The following RPL8 variants were observed in gnomAD, a reference collection of about 807,000 sequenced individuals.
RPL8 encodes the protein large ribosomal subunit protein uL2.
For synonymous variants in RPL8, 182 were observed against 143.2 expected (o/e 1.27, Z -1.94); for missense variants, 248 against 365.9 (o/e 0.68, Z 2.63).
In RPL8 at chr8:144,792,222, C is replaced by T; in HGVS notation, c.-93G>A. ...GCTTTCCGGGACCCCGCCCCCGAGG[C>T]CGCCGCGCCCACCACTCCCTACCCT... On this transcript the variant is annotated 5_prime_UTR_variant, in exon 1 of 5. Coordinates refer to ENST00000528957, the MANE Select transcript of RPL8 (RefSeq NM_001317782.2). 1 of 1,388,764 alleles carries T rather than the reference C, an allele frequency of 7.2e-7. No homozygotes were observed. The highest frequency in any genetic ancestry group is 9.3e-7 in the Non-Finnish European group (1 of 1,077,588). 86.0% of individuals were successfully genotyped at this position (1,388,764 alleles called of 1,614,324 possible). A position where few individuals can be genotyped will look rare whatever the true frequency, so the allele number is the denominator to read the frequency against.
Position 144,791,538 on chromosome 8 carries a change from C to T in RPL8, c.281-43G>A, listed in dbSNP as rs200347596. On this transcript the variant is annotated intron_variant, in intron 2 of 4. Transcript: ENST00000528957. ...ATCAGGCCGTCAGCACAGTAAGAAA[C>T]AATGCGAACCCCCTCGCTCTAGGCA... The T allele has an allele frequency of 4.9e-5, 78 of 1,593,028 alleles. 2 individuals are homozygous for T. In the East Asian group the frequency reaches 1.7e-3, roughly 35 times the overall value.
Position 144,789,825 on chromosome 8 carries a change from A to G in RPL8, c.753T>C (p.Thr251=), listed in dbSNP as rs774382452. 24 of 1,613,390 alleles carry G rather than the reference A, an allele frequency of 1.5e-5. No homozygotes were observed. The highest frequency in any genetic ancestry group is 1.7e-5 in the Admixed American group (1 of 59,984). Residue 251 remains threonine (T), a synonymous_variant, in exon 5 of 5, where the codon ACT becomes ACC. Transcript: ENST00000528957. ...RRTGRLRGTK[T]VQEKEN ...AGCACTAGTTCTCTTTCTCCTGCAC[A>G]GTCTTGGTTCCCCGGAGACGTCCAG...
chr8:144,792,372 A>G lies in RPL8; in HGVS notation c.-243T>C. Reference sequence around the variant, plus strand: ...GGCCGCAAGGATGACCTACCTGTTCACCAGCGCGGCCGAAAGAGGAAACAC... The same window carrying G: ...GGCCGCAAGGATGACCTACCTGTTCGCCAGCGCGGCCGAAAGAGGAAACAC... On this transcript the variant is annotated 5_prime_UTR_variant, in exon 1 of 5. Coordinates refer to ENST00000528957, the MANE Select transcript of RPL8 (RefSeq NM_001317782.2). 1 of 658,592 alleles carries G rather than the reference A, an allele frequency of 1.5e-6. No individual in the cohort carries two copies. Among genetic ancestry groups the G allele is most frequent in the Non-Finnish European group, 2.2e-6 (1 of 463,060 alleles). 40.8% of individuals were successfully genotyped at this position (658,592 alleles called of 1,614,324 possible).
At chr8:144,791,087 C>T in intron 3 of RPL8, 190 bp downstream of exon 3, 1 of 612,296 alleles carries the variant, frequency 1.6e-6, no homozygotes. Context: ...AGCAGTAAAG[C>T]AGGTACTGTT....
chr8:144,790,721 C>T lies in RPL8; in HGVS notation c.500-251G>A, dbSNP rs1395992965. 7.4e-6 allele frequency: 5 copies of T among 671,754 alleles called. No individual in the cohort carries two copies. In the African/African-American group the frequency reaches 8.8e-5, roughly 12 times the overall value. 41.6% of individuals were successfully genotyped at this position (671,754 alleles called of 1,614,324 possible). A position where few individuals can be genotyped will look rare whatever the true frequency, so the allele number is the denominator to read the frequency against. On this transcript the variant is annotated intron_variant, in intron 3 of 4. Transcript: ENST00000528957. ...TGGCTGAGCTCCAAGCGCAGGGAAGCACCCCCCTCACCATGTGTGAGACGT... is the reference window on the plus strand; with the variant it reads ...TGGCTGAGCTCCAAGCGCAGGGAAGTACCCCCCTCACCATGTGTGAGACGT...
intron 4 of RPL8, 128 bp from the exon 5 acceptor site, chr8:144,790,090 C>G (rs1826446038): frequency 8.5e-7 from 1 of 1,175,224 alleles, no homozygotes; most frequent in African/African-American, 1.5e-5. Context: ...CTAGACAACC[C>G]CAGTCAGGCT....
In RPL8 at chr8:144,791,467, A is replaced by G; in HGVS notation, c.309T>C (p.Pro103=). Residue 103 remains proline (P), a synonymous_variant, in exon 3 of 5, where the codon CCT becomes CCC. Transcript: ENST00000528957. ...KAQLNIGNVL[P]VGTMPEGTIV... ...TTGTACCCTCAGGCATGGTGCCCAC[A>G]GGGAGCACATTGCCAATGTTGAGCT... 6.2e-7 allele frequency: 1 copy of G among 1,613,844 alleles called. No individual in the cohort carries two copies. The highest frequency in any genetic ancestry group is 8.5e-7 in the Non-Finnish European group (1 of 1,180,002).
chr8:144,790,423 C>T lies in RPL8; in HGVS notation c.547G>A (p.Gly183Ser). Residue 183 changes from glycine (G) to serine (S), a missense_variant, in exon 4 of 5, where the codon GGC becomes AGC. Transcript: ENST00000528957. ...GCCTTATATTTGTGGTACGCCCGGC[C>T]AGCCTTCAAGATGGGTTTGTCAATT... ...GRIDKPILKA[G>S]RAYHKYKAKR... 6.2e-7 allele frequency: 1 copy of T among 1,614,166 alleles called. No homozygotes were observed. The highest frequency in any genetic ancestry group is 8.5e-7 in the Non-Finnish European group (1 of 1,180,034).
In RPL8 at chr8:144,792,312, G is replaced by T. The variant is rs1384042035; in HGVS notation, c.-183C>A. 1 of 928,988 alleles carries T rather than the reference G, an allele frequency of 1.1e-6. No homozygotes were observed. Among genetic ancestry groups the T allele is most frequent in the South Asian group, 2.7e-5 (1 of 37,308 alleles). The allele number at this position is 928,988 out of a possible 1,614,324, so 57.5% of individuals were successfully genotyped here. On this transcript the variant is annotated 5_prime_UTR_variant, in exon 1 of 5. Coordinates refer to ENST00000528957, the MANE Select transcript of RPL8 (RefSeq NM_001317782.2). ...GGTCCGGGTCTCAGCGCGCCTCACG[G>T]AAGAGGATGGCGGCGGATACTGCCC...
rs746742174 is a variant in RPL8, at chr8:144,789,789, T to C, written c.*15A>G. ...CCAGGTGGCATAAACACAAACTTTA[T>C]TGAGGCCCTCAGCACTAGTTCTCTT... On this transcript the variant is annotated 3_prime_UTR_variant, in exon 5 of 5. Coordinates refer to ENST00000528957, the MANE Select transcript of RPL8 (RefSeq NM_001317782.2). 3.1e-6 allele frequency: 5 copies of C among 1,613,460 alleles called. No homozygotes were observed. Among genetic ancestry groups the C allele is most frequent in the Admixed American group, 1.7e-5 (1 of 60,010 alleles).
intron 4 of RPL8, 60 bp from the exon 5 acceptor site, chr8:144,790,022 C>T (rs929779672): frequency 7.2e-6 from 11 of 1,517,354 alleles, no homozygotes; most frequent in South Asian, 3.9e-5. Context: ...CCCCCGGCCT[C>T]GGGGTCCCAC....
At chr8:144,790,542 C>A (rs762903167) in intron 3 of RPL8, 72 bp from the exon 4 acceptor site, 2 of 1,150,428 alleles carry the variant, frequency 1.7e-6, no homozygotes, top group Non-Finnish European at 2.6e-6. Context: ...AATCTCCTGT[C>A]ATGCACCTTC....
At position 144,791,680 on chromosome 8, in the gene RPL8, G is replaced by A; in HGVS notation, c.280+93C>T. ...ATGTCCCCACCTGAAGCTTCTGCCT[G>A]CGAGGTTCCCATATCGGCTTAGGAC... is the stretch of plus-strand genomic sequence containing the variant. On this transcript the variant is annotated intron_variant, in intron 2 of 4. Transcript: ENST00000528957. 4.4e-6 allele frequency: 7 copies of A among 1,579,618 alleles called. No individual in the cohort carries two copies. In the South Asian group the frequency reaches 6.9e-5, roughly 16 times the overall value.
intron 3 of RPL8, chr8:144,790,881 C>G: frequency 2.0e-6 from 1 of 509,104 alleles, no homozygotes; most frequent in Non-Finnish European, 3.8e-6. Context: ...AAGATGTTCC[C>G]AAACAGCACA....
chr8:144,790,003 C>T (rs146616369), intron 4 of RPL8, 41 bp from the exon 5 acceptor site: 1 of 1,560,680 alleles, frequency 6.4e-7, no homozygotes, highest in Non-Finnish European at 8.6e-7. Context: ...CTCTTCCCCA[C>T]CACCCCCGCC....
intron 2 of RPL8, 134 bp downstream of exon 2, chr8:144,791,639 T>G: frequency 6.7e-7 from 1 of 1,501,314 alleles, no homozygotes; most frequent in Non-Finnish European, 9.1e-7. Context: ...CGGTGGCCAC[T>G]GGTCTGGCCA....
At chr8:144,790,592 C>T (rs752519999) in intron 3 of RPL8, 122 bp from the exon 4 acceptor site, 5 of 769,902 alleles carry the variant, frequency 6.5e-6, no homozygotes, top group Non-Finnish European at 9.1e-6. Context: ...AGCCCACTCG[C>T]CTCCACCCTA....
chr8:144,792,193 C>A lies in RPL8; in HGVS notation c.-64G>T. 2 of 1,422,676 alleles carry A rather than the reference C, an allele frequency of 1.4e-6. No individual in the cohort carries two copies. The highest frequency in any genetic ancestry group is 1.8e-6 in the Non-Finnish European group (2 of 1,097,060). 88.1% of individuals were successfully genotyped at this position (1,422,676 alleles called of 1,614,324 possible). The stretch of plus-strand genomic sequence containing the variant: ...CGGGCGGCCCGGGTACCCCCGCCAG[C>A]CCGGCTTTCCGGGACCCCGCCCCCG... On this transcript the variant is annotated 5_prime_UTR_variant, in exon 1 of 5. Transcript: ENST00000528957.
chr8:144,791,986 C>G lies in RPL8; in HGVS notation c.138+6G>C. 6.2e-7 allele frequency: 1 copy of G among 1,608,834 alleles called. No homozygotes were observed. Among genetic ancestry groups the G allele is most frequent in the South Asian group, 1.1e-5 (1 of 90,744 alleles). ...TTCCCCTCCCGCCCCGGCCAGCGTT[C>G]CGCACCTTGACGATGCCCTTGATGT... On this transcript the variant is annotated splice_donor_region_variant and intron_variant, in intron 1 of 4. Coordinates refer to ENST00000528957, the MANE Select transcript of RPL8 (RefSeq NM_001317782.2).
Sources: gnomAD v4.1 joint callset for allele counts on GRCh38, gnomAD v4.1.1 for gene constraint, MANE v1.5 for transcripts, NCBI Gene and HGNC (gene_info 2026-07-23, HGNC 2026-07-21) for gene names.